The following PRKN variants were observed in gnomAD, a reference collection of about 807,000 sequenced individuals.
PRKN encodes parkin RBR E3 ubiquitin protein ligase.
A neutral mutation model predicts 59.5 loss-of-function variants in PRKN; 56 were observed. That is an observed-to-expected ratio of 0.94 (90% CI 0.76 to 1.18). PRKN has a LOEUF of 1.18. PRKN is among the 50% of genes most tolerant of loss of function. PRKN has a pLI of 0.00. For synonymous variants in PRKN, 250 were observed against 222.1 expected (o/e 1.13, Z -1.12); for missense variants, 657 against 596.4 (o/e 1.10, Z -1.06).
At chr6:161,632,935 G>C (rs1199102919) in intron 7 of PRKN, among the ~76,000 whole-genome samples, 1 of 152,192 alleles carries the variant, frequency 6.6e-6, no homozygotes, top group Admixed American at 6.5e-5. Context: ...ATAATGGGAA[G>C]TACAATTCAA....
intron 4 of PRKN, among the ~76,000 whole-genome samples, chr6:162,068,668 A>G (rs1246594774): frequency 6.6e-6 from 1 of 152,164 alleles, no homozygotes; most frequent in Non-Finnish European, 1.5e-5. Flanking sequence ...CAACAAGGAG[A>G]GGGTCTGCTC....
chr6:161,709,912 A>G (rs1786668078), intron 7 of PRKN, among the ~76,000 whole-genome samples: 1 of 152,176 alleles, frequency 6.6e-6, no homozygotes. Flanking sequence ...ATTTTTGTAG[A>G]AACGCAAATA....
At chr6:162,471,052 C>T (rs77878430) in intron 1 of PRKN, among the ~76,000 whole-genome samples, 12,160 of 148,430 alleles carry the variant, frequency 0.082, 1,420 homozygotes, top group African/African-American at 0.26. Flanking sequence ...TGACCCACCA[C>T]GCCCAGCCCA....
intron 9 of PRKN, among the ~76,000 whole-genome samples, chr6:161,424,214 G>A (rs1036405677): frequency 6.6e-6 from 1 of 151,782 alleles, no homozygotes; most frequent in African/African-American, 2.4e-5. Context: ...GTGGGTGCCT[G>A]TAATCCCAGC....
At chr6:162,374,841 G>T (rs370361281) in intron 2 of PRKN, among the ~76,000 whole-genome samples, 3 of 152,134 alleles carry the variant, frequency 2.0e-5, no homozygotes, top group East Asian at 3.9e-4. Context: ...TATGGTTTCT[G>T]GTCAGAGTCT....
chr6:162,142,516 A>G (rs1288636751), intron 4 of PRKN, among the ~76,000 whole-genome samples: 1 of 152,208 alleles, frequency 6.6e-6, no homozygotes, highest in East Asian at 1.9e-4. Flanking sequence ...TGGTGGGAAC[A>G]TAGTAAGCGC....
intron 1 of PRKN, among the ~76,000 whole-genome samples, chr6:162,720,373 A>T (rs991520984): frequency 6.6e-6 from 1 of 151,528 alleles, no homozygotes; most frequent in South Asian, 2.1e-4. Flanking sequence ...GTAAAAGTAA[A>T]TTGGAGAGAA....
chr6:162,538,014 A>G lies in PRKN; in HGVS notation c.8-94541T>C, dbSNP rs1396445135. The stretch of plus-strand genomic sequence containing the variant: ...ATTATTGTTTTGTTTTGATACTGGT[A>G]TAAATATAGTCATCTTCTCAACTGA... On this transcript the variant is annotated intron_variant, in intron 1 of 11. Coordinates refer to ENST00000366898, the MANE Select transcript of PRKN (RefSeq NM_004562.3). Among the ~76,000 whole-genome samples the G allele has an allele frequency of 3.3e-5, 5 of 152,232 alleles. No homozygotes were observed. The East Asian group carries it at 9.6e-4, about 29-fold the overall frequency.
intron 1 of PRKN, among the ~76,000 whole-genome samples, chr6:162,464,784 G>A (rs186678758): frequency 9.2e-4 from 139 of 151,340 alleles, no homozygotes; most frequent in East Asian, 5.6e-3. Flanking sequence ...AGCCGAGATC[G>A]CGCCACTGCA....
In PRKN at chr6:162,673,560, A is replaced by AT. The variant is rs535220722; in HGVS notation, c.7+54101dup. On this transcript the variant is annotated intron_variant, in intron 1 of 11. Coordinates refer to ENST00000366898, the MANE Select transcript of PRKN (RefSeq NM_004562.3). ...ACCATCATGCCTAGCTAATTTTTGT[A>AT]TTTTTTGTAGAGACAGAGTTTCACC... Among the ~76,000 whole-genome samples the AT allele has an allele frequency of 6.6e-4, 101 of 152,140 alleles. No individual in the cohort carries two copies. The East Asian group carries it at 9.5e-3, about 14-fold the overall frequency.
intron 7 of PRKN, among the ~76,000 whole-genome samples, chr6:161,738,406 A>G (rs1433451955): frequency 6.6e-6 from 1 of 152,158 alleles, no homozygotes; most frequent in African/African-American, 2.4e-5. Context: ...CATGTCCTCT[A>G]TCTTAGTGGT....
chr6:161,975,945 G>A (rs554731435), intron 5 of PRKN, among the ~76,000 whole-genome samples: 4 of 151,918 alleles, frequency 2.6e-5, no homozygotes, highest in South Asian at 2.1e-4. Flanking sequence ...TCACTCTATC[G>A]CCTAGGCTGG....
At chr6:162,520,882 G>T (rs1265937156) in intron 1 of PRKN, among the ~76,000 whole-genome samples, 3 of 151,716 alleles carry the variant, frequency 2.0e-5, no homozygotes, top group Non-Finnish European at 4.4e-5. Flanking sequence ...AGCTCAAATA[G>T]TATGAGCATT....
chr6:162,042,628 T>A (rs1016927451), intron 5 of PRKN, among the ~76,000 whole-genome samples: 1 of 152,140 alleles, frequency 6.6e-6, no homozygotes, highest in African/African-American at 2.4e-5. Context: ...ATTTAAAATA[T>A]TTTCATTGTT....
rs980739834 is a variant in PRKN, at chr6:161,466,003, C to T, written c.1084-79126G>A. Among the ~76,000 whole-genome samples, 3 of 152,042 alleles carry T rather than the reference C, an allele frequency of 2.0e-5. No homozygotes were observed. Among genetic ancestry groups the T allele is most frequent in the Non-Finnish European group, 2.9e-5 (2 of 68,024 alleles). On this transcript the variant is annotated intron_variant, in intron 9 of 11. Transcript: ENST00000366898. This position sits in a 1 kb window ranked among gnomAD's most constrained non-coding sequence, Gnocchi z 5.0. ...AAAATAATGACTTGATATCTGTATA[C>T]ACTATGTAATAATTACAATCAAATT...
intron 9 of PRKN, among the ~76,000 whole-genome samples, chr6:161,464,171 C>A (rs756258892): frequency 6.6e-6 from 1 of 152,124 alleles, no homozygotes; most frequent in Admixed American, 6.6e-5. Context: ...TGTACCACCA[C>A]GTCCAGCTAA....
At position 161,518,946 on chromosome 6, in the gene PRKN, T is replaced by C. The variant is rs143495059; in HGVS notation, c.1083+29908A>G. Among the ~76,000 whole-genome samples the C allele has an allele frequency of 6.6e-6, 1 of 152,240 alleles. No homozygotes were observed. Among genetic ancestry groups the C allele is most frequent in the East Asian group, 1.9e-4 (1 of 5,168 alleles). On this transcript the variant is annotated intron_variant, in intron 9 of 11. Transcript: ENST00000366898. This position sits in a 1 kb window ranked among gnomAD's most constrained non-coding sequence, Gnocchi z 5.0. ...CTCTGTCCACAGAAATGCCTGAGCA[T>C]GGAACTCTGGGAAAACTGCACTCGT...
At chr6:162,607,305 A>C (rs1781960938) in intron 1 of PRKN, among the ~76,000 whole-genome samples, 1 of 152,194 alleles carries the variant, frequency 6.6e-6, no homozygotes, top group Non-Finnish European at 1.5e-5. Flanking sequence ...AAAGTAGAAG[A>C]GCTTGTGTCA....
intron 6 of PRKN, among the ~76,000 whole-genome samples, chr6:161,921,924 A>T (rs1410552575): frequency 6.6e-6 from 1 of 152,200 alleles, no homozygotes; most frequent in East Asian, 1.9e-4. Context: ...CTTGTAGAAC[A>T]ACATTTCAAT....
Sources: allele counts gnomAD v4.1 joint callset (sites outside exome capture counted in the v4.1 genomes callset), GRCh38; gene constraint gnomAD v4.1.1; non-coding constraint Gnocchi (gnomAD v3.1); transcripts MANE v1.5; gene names NCBI Gene and HGNC (gene_info 2026-07-23, HGNC 2026-07-21).